NUP98: variants seen among roughly 807,000 people sequenced by gnomAD.
NUP98 encodes the protein nuclear pore complex protein Nup98-Nup96.
In NUP98, 26 loss-of-function variants were observed where a neutral mutation model predicts 191.9. The ratio of observed to expected loss-of-function variants is 0.14; its 90% CI spans 0.10 to 0.19. NUP98 has a LOEUF of 0.19. NUP98 is among the 10% of genes least tolerant of loss of function. The probability of loss-of-function intolerance (pLI) is 1.00; values close to 1 mark genes in which losing one functional copy is unlikely to be tolerated. For synonymous variants in NUP98, 808 were observed against 778.4 expected, an observed-to-expected ratio of 1.04 and a Z score of -0.63; for missense variants, 1,941 against 2,178.8, an observed-to-expected ratio of 0.89 and a Z score of 2.17.
chr11:3,726,809 T>G (rs560541004), intron 14 of NUP98, among the ~76,000 whole-genome samples: 1 of 151,762 alleles, frequency 6.6e-6, no homozygotes, highest in African/African-American at 2.4e-5. Context: ...TGAGACAGGC[T>G]GGAGTACAGT....
At chr11:3,712,354 A>C in intron 20 of NUP98, 1 of 1,372,550 alleles carries the variant, frequency 7.3e-7, no homozygotes, top group Non-Finnish European at 9.4e-7. Context: ...AATAATCCAA[A>C]CAGCAAGAGA....
At chr11:3,735,769 G>A (rs1373502514) in intron 12 of NUP98, among the ~76,000 whole-genome samples, 1 of 151,274 alleles carries the variant, frequency 6.6e-6, no homozygotes, top group Non-Finnish European at 1.5e-5. Flanking sequence ...GTGTGTGTGT[G>A]TGTGTGTGTG....
intron 16 of NUP98, 142 bp from the exon 17 acceptor site, chr11:3,720,967 G>A: frequency 2.3e-6 from 1 of 434,566 alleles, no homozygotes; most frequent in Non-Finnish European, 4.0e-6. Context: ...TAGGAGAAGG[G>A]GTGTGTGAGT....
At chr11:3,743,646 CAAAAA>C (rs34382341) in intron 12 of NUP98, among the ~76,000 whole-genome samples, 3 of 49,422 alleles carry the variant, frequency 6.1e-5, no homozygotes, top group Admixed American at 5.1e-4. Flanking sequence ...AACTCCATCT[CAAAAA>C]AAAAAAAAAA....
chr11:3,794,010 A>G (rs2082444600), intron 1 of NUP98, among the ~76,000 whole-genome samples: 1 of 152,186 alleles, frequency 6.6e-6, no homozygotes, highest in Non-Finnish European at 1.5e-5. Flanking sequence ...AAATATTTTC[A>G]CTAAAGTAGT....
rs1347815332 is a variant in NUP98 at position 3,775,899 on chromosome 11, T to A, written c.478A>T (p.Thr160Ser). The change falls in exon 5 of 33, where the codon ACT becomes TCT. Residue 160 changes from threonine to serine, a missense_variant. By Grantham distance (58) the Thr-to-Ser change is moderately conservative (BLOSUM62 1). Coordinates refer to ENST00000324932, the MANE Select transcript of NUP98 (RefSeq NM_016320.5). The part of the protein sequence containing the change: ...PSSFTAAPTG[T>S]TIKFNPPTGT... ...ATACATACGTTAAATTTAATAGTAG[T>A]CCCAGTAGGAGCAGCTGTAAAACTA... is the stretch of plus-strand genomic sequence containing the variant. The A allele has an allele frequency of 6.2e-7, 1 of 1,613,318 alleles. No individual in the cohort carries two copies. The highest frequency in any genetic ancestry group is 8.5e-7 in the Non-Finnish European group (1 of 1,179,712).
intron 6 of NUP98, 111 bp from the exon 7 acceptor site, chr11:3,772,039 T>C (rs2081548461): frequency 8.0e-6 from 7 of 880,156 alleles, no homozygotes; most frequent in Non-Finnish European, 1.2e-5. Flanking sequence ...ATAGGAACCA[T>C]AACTAAAAAA....
intron 7 of NUP98, among the ~76,000 whole-genome samples, chr11:3,770,904 C>A (rs895778634): frequency 6.6e-6 from 1 of 152,060 alleles, no homozygotes; most frequent in African/African-American, 2.4e-5. Context: ...TTGCTGTCAC[C>A]CAGGCTGGAG....
intron 23 of NUP98, among the ~76,000 whole-genome samples, 130 bp downstream of exon 23, chr11:3,702,307 ACACACACTCTCTCTCTCTCTCTCTCT>A (rs1211513114): frequency 1.2e-4 from 7 of 57,998 alleles, no homozygotes; most frequent in African/African-American, 3.1e-4. Flanking sequence ...ACACACACAC[ACACACACTCTCTCTCTCTCTCTCTCT>A]CTCTCTCTCT....
chr11:3,705,104 G>T, intron 22 of NUP98, 96 bp downstream of exon 22: 1 of 1,132,654 alleles, frequency 8.8e-7, no homozygotes, highest in Non-Finnish European at 1.3e-6. Context: ...GCAGATACTT[G>T]CTAGAGAAGT....
intron 8 of NUP98, among the ~76,000 whole-genome samples, chr11:3,765,118 T>A (rs1384731779): frequency 6.6e-6 from 1 of 152,244 alleles, no homozygotes; most frequent in East Asian, 1.9e-4. Flanking sequence ...CATGTATGAT[T>A]TTCAAGTATT....
At chr11:3,775,791 G>C in intron 5 of NUP98, 91 bp downstream of exon 5, 1 of 1,283,290 alleles carries the variant, frequency 7.8e-7, no homozygotes, top group African/African-American at 1.5e-5. Context: ...GTCAAGCTAA[G>C]CTGGAAAGAG....
chr11:3,775,971 T>G lies in NUP98; in HGVS notation c.406A>C (p.Thr136Pro). The change falls in exon 5 of 33, where the codon ACC becomes CCC. Residue 136 changes from threonine (T) to proline (P), a missense_variant. Physicochemically the swap from Thr to Pro is conservative, Grantham distance 38 (BLOSUM62 -1). Coordinates refer to ENST00000324932, the MANE Select transcript of NUP98 (RefSeq NM_016320.5). ...SGGLFGTTNT[T>P]SNPFGSTSGS... Reference sequence around the variant, plus strand: ...GATGTGCTGCCAAAAGGATTAGAGGTGGTATTTGTGGTTCCAAAGAGTCCT... The same window carrying G: ...GATGTGCTGCCAAAAGGATTAGAGGGGGTATTTGTGGTTCCAAAGAGTCCT... 2 of 1,613,392 alleles carry G rather than the reference T, an allele frequency of 1.2e-6. No individual in the cohort carries two copies. Among genetic ancestry groups the G allele is most frequent in the Non-Finnish European group, 1.7e-6 (2 of 1,179,482 alleles).
intron 25 of NUP98, among the ~76,000 whole-genome samples, chr11:3,697,820 T>TAAAAAA (rs199874258): frequency 1.0e-4 from 10 of 97,158 alleles, no homozygotes; most frequent in Non-Finnish European, 1.4e-4. Context: ...GACTCTGTCT[T>TAAAAAA]AAAAAAAAAA....
intron 31 of NUP98, among the ~76,000 whole-genome samples, chr11:3,677,274 A>C (rs2077843504): frequency 6.6e-6 from 1 of 152,136 alleles, no homozygotes; most frequent in South Asian, 2.1e-4. Context: ...ACAAGGAGAG[A>C]GCTCAGCTTT....
chr11:3,760,717 A>T, intron 9 of NUP98, 91 bp from the exon 10 acceptor site: 1 of 957,386 alleles, frequency 1.0e-6, no homozygotes, highest in Non-Finnish European at 1.6e-6. Flanking sequence ...TGGGTTGGGT[A>T]TGGGGTGGGA....
At chr11:3,705,782 C>T (rs2134133381) in intron 21 of NUP98, among the ~76,000 whole-genome samples, 1 of 152,106 alleles carries the variant, frequency 6.6e-6, no homozygotes, top group South Asian at 2.1e-4. Context: ...GTGATGTAGA[C>T]AAAGTAATAT....
rs376298671 is a variant in NUP98, at chr11:3,683,279, C to T, written c.4839G>A (p.Lys1613=). Residue 1613 remains lysine (K), a synonymous_variant, in exon 30 of 33, where the codon AAG becomes AAA. Transcript: ENST00000324932. Reference sequence around the variant, plus strand: ...TAAATAAGCAAAGGGCCTCTAAGTGCTTGTCAGATTCCATGTGTGCTCGCA... The same window carrying T: ...TAAATAAGCAAAGGGCCTCTAAGTGTTTGTCAGATTCCATGTGTGCTCGCA... ...KAVRAHMESD[K]HLEALCLFKA... is the part of the protein sequence containing the mutation. 3 of 1,614,164 alleles carry T rather than the reference C, an allele frequency of 1.9e-6. No individual in the cohort carries two copies. The highest frequency in any genetic ancestry group is 2.5e-6 in the Non-Finnish European group (3 of 1,180,020).
At chr11:3,682,776 G>A (rs1389776195) in intron 30 of NUP98, among the ~76,000 whole-genome samples, 1 of 152,144 alleles carries the variant, frequency 6.6e-6, no homozygotes, top group Non-Finnish European at 1.5e-5. Flanking sequence ...CTTGCTCTGT[G>A]CAGTTTTCCA....
Sources: gnomAD v4.1 joint callset for allele counts (sites outside exome capture counted in the v4.1 genomes callset) on GRCh38, gnomAD v4.1.1 for gene constraint, MANE v1.5 for transcripts, NCBI Gene and HGNC (gene_info 2026-07-23, HGNC 2026-07-21) for gene names.